Variants in SMYD1 observed in about 807,000 individuals in gnomAD.
SMYD1 encodes the protein histone-lysine N-methyltransferase SMYD1.
Under a neutral mutation model 54.0 loss-of-function variants are expected in SMYD1, and 49 were observed. That is an observed-to-expected ratio of 0.91 (90% CI 0.72 to 1.15). The LOEUF is 1.15. Ranked by LOEUF, SMYD1 falls within the 50% of genes most tolerant of loss-of-function variation. SMYD1 has a pLI of 0.00. For synonymous variants in SMYD1, 269 were observed against 234.2 expected (o/e 1.15, Z -1.36); for missense variants, 653 against 639.6 (o/e 1.02, Z -0.23).
chr2:88,106,214 G>T (rs1674863831), intron 7 of SMYD1, 111 bp from the exon 8 acceptor site: 5 of 1,402,222 alleles, frequency 3.6e-6, no homozygotes, highest in Admixed American at 2.1e-5. Context: ...GTCAGCAATT[G>T]CCCCAGTCTT....
intron 1 of SMYD1, among the ~76,000 whole-genome samples, chr2:88,071,788 A>T (rs1314547812): frequency 6.6e-6 from 1 of 152,114 alleles, no homozygotes; most frequent in Non-Finnish European, 1.5e-5. Context: ...GGGGTGATGC[A>T]CGAGTGGGTA....
chr2:88,105,952 A>G (rs1490519567), intron 7 of SMYD1, among the ~76,000 whole-genome samples: 4 of 151,812 alleles, frequency 2.6e-5, no homozygotes, highest in African/African-American at 9.7e-5. Context: ...ATATATATAT[A>G]TATTTGACCT....
At chr2:88,101,450 A>G (rs563130252) in intron 6 of SMYD1, among the ~76,000 whole-genome samples, 46 of 152,378 alleles carry the variant, frequency 3.0e-4, no homozygotes, top group African/African-American at 1.1e-3. Context: ...ATAGACAGAT[A>G]TATGGTATAA....
Position 88,088,018 on chromosome 2 carries a change from C to T in SMYD1, c.471C>T (p.Tyr157=). 1 of 1,614,156 alleles carries T rather than the reference C, an allele frequency of 6.2e-7. No individual in the cohort carries two copies. Among genetic ancestry groups the T allele is most frequent in the Non-Finnish European group, 8.5e-7 (1 of 1,180,020 alleles). The change falls in exon 3 of 10, where the codon TAC becomes TAT. Residue 157 remains tyrosine, a synonymous_variant. Coordinates refer to ENST00000419482, the MANE Select transcript of SMYD1 (RefSeq NM_198274.4). The stretch of plus-strand genomic sequence containing the variant: ...TGGACGTGGACACATTCTTGCAGTA[C>T]TGGCCGCCGCAGAGCCAGCAGTTCA... ...LRVDVDTFLQ[Y]WPPQSQQFSM...
intron 8 of SMYD1, among the ~76,000 whole-genome samples, chr2:88,107,397 G>A (rs940656061): frequency 1.3e-5 from 2 of 152,174 alleles, no homozygotes; most frequent in African/African-American, 4.8e-5. Context: ...CTGCAAAAGG[G>A]TGCCAACCAG....
rs1407304773 is a variant in SMYD1, at chr2:88,090,992, T to C, written c.529-20T>C. 3.7e-6 allele frequency: 6 copies of C among 1,606,256 alleles called. No individual in the cohort carries two copies. Among genetic ancestry groups the C allele is most frequent in the Non-Finnish European group, 5.1e-6 (6 of 1,175,324 alleles). ...TGTCCATGTCTGTCGACTGACTCTT[T>C]CATCTTTTCCCCTGGGTAGATTAAC... On this transcript the variant is annotated intron_variant, in intron 3 of 9. Transcript: ENST00000419482.
chr2:88,076,707 T>C (rs1263600703), intron 1 of SMYD1, among the ~76,000 whole-genome samples: 1 of 152,134 alleles, frequency 6.6e-6, no homozygotes, highest in Non-Finnish European at 1.5e-5. Flanking sequence ...GGGATGTTCT[T>C]TAAGACACCT....
In SMYD1 at chr2:88,093,542, CA is replaced by C. The variant is rs1335471023; in HGVS notation, c.686del (p.His229LeufsTer4). ...GNHEAVKSMFHTQMRIELRAL... is the reference protein window; with the variant it reads ...GNHEAVKSMFXTQMRIELRAL... Reference sequence around the variant, plus strand: ...TCATGAGGCAGTGAAATCCATGTTTCATACCCAGATGAGGTGGGTCAGTCCT... The same window carrying C: ...TCATGAGGCAGTGAAATCCATGTTTCTACCCAGATGAGGTGGGTCAGTCCT... On this transcript the variant is annotated frameshift_variant, in exon 5 of 10. Transcript: ENST00000419482. LOFTEE classifies it high-confidence loss of function. The C allele has an allele frequency of 5.0e-6, 8 of 1,614,046 alleles. No individual in the cohort carries two copies. The highest frequency in any genetic ancestry group is 6.8e-6 in the Non-Finnish European group (8 of 1,180,040).
intron 3 of SMYD1, among the ~76,000 whole-genome samples, chr2:88,089,958 G>A (rs575096708): frequency 6.6e-6 from 1 of 152,122 alleles, no homozygotes; most frequent in African/African-American, 2.4e-5. Context: ...AGTAATCTTC[G>A]GCATCCCTGA....
rs1561730 is a variant in SMYD1, at chr2:88,112,820, G to A, written c.*2308G>A. On this transcript the variant is annotated 3_prime_UTR_variant, in exon 10 of 10. Coordinates refer to ENST00000419482, the MANE Select transcript of SMYD1 (RefSeq NM_198274.4). ...ATCTAGTTTCTCAGGTTCCTTCGCT[G>A]GTCCTTTTTCTTTCCCTGCCCCTGA... is the stretch of plus-strand genomic sequence containing the variant. 40,009 of 152,142 alleles carry A rather than the reference G, an allele frequency of 0.26. 6,606 individuals carry two copies. The highest frequency in any genetic ancestry group is 0.52 in the East Asian group (2,660 of 5,154). The allele number at this position is 152,142 out of a possible 1,614,324, so 9.4% of individuals were successfully genotyped here.
chr2:88,096,896 C>T (rs1157438292), intron 6 of SMYD1, 112 bp downstream of exon 6: 10 of 1,081,134 alleles, frequency 9.2e-6, no homozygotes, highest in Non-Finnish European at 1.3e-5. Flanking sequence ...TAGGGAGCAA[C>T]TGTCACCCTG....
At chr2:88,106,302 G>GC (rs760419565) in intron 7 of SMYD1, 23 bp from the exon 8 acceptor site, 1 of 1,612,612 alleles carries the variant, frequency 6.2e-7, no homozygotes, top group East Asian at 2.2e-5. Flanking sequence ...ATGGTAATGG[G>GC]CAGGGCCTCT....
rs538199535 is a variant in SMYD1, at chr2:88,096,778, C to T, written c.882C>T (p.Asn294=). Residue 294 remains asparagine (N), a synonymous_variant, in exon 6 of 10, where the codon AAC becomes AAT. Transcript: ENST00000419482. ...KDDLFLGVKD[N]PKPSQEVVKE... The stretch of plus-strand genomic sequence containing the variant: ...ACCTCTTCCTGGGGGTGAAAGACAA[C>T]CCCAAGGTACACACAGCCCTGCTGC... The T allele has an allele frequency of 3.8e-5, 62 of 1,612,702 alleles. No homozygotes were observed. The East Asian group carries it at 1.2e-3, about 31-fold the overall frequency.
chr2:88,074,889 G>T (rs949511983), intron 1 of SMYD1, among the ~76,000 whole-genome samples: 1 of 152,206 alleles, frequency 6.6e-6, no homozygotes, highest in South Asian at 2.1e-4. Flanking sequence ...GGGTTAGTCA[G>T]TGTAATTCTG....
chr2:88,068,331 A>T (rs917751757), intron 1 of SMYD1, among the ~76,000 whole-genome samples: 3 of 152,194 alleles, frequency 2.0e-5, no homozygotes, highest in Non-Finnish European at 4.4e-5. Flanking sequence ...TCCGACAGAA[A>T]GCTCTATATT....
intron 1 of SMYD1, among the ~76,000 whole-genome samples, chr2:88,073,524 A>G (rs1005306007): frequency 2.6e-5 from 4 of 152,192 alleles, no homozygotes; most frequent in South Asian, 2.1e-4. Flanking sequence ...TGTAGATGCT[A>G]TGTTTTGGAG....
Position 88,108,492 on chromosome 2 carries a change from C to T in SMYD1, c.1267C>T (p.Leu423Phe). The stretch of plus-strand genomic sequence containing the variant: ...GATGATCTGCAAAGCCTATGCCATT[C>T]TCCTGGTGACACACGGACCCTCCCA... ...HGMICKAYAI[L>F]LVTHGPSHPI... The change falls in exon 9 of 10, where the codon CTC becomes TTC. Residue 423 changes from leucine to phenylalanine, a missense_variant. Physicochemically the swap from Leu to Phe is conservative, Grantham distance 22. Coordinates refer to ENST00000419482, the MANE Select transcript of SMYD1 (RefSeq NM_198274.4). 6.2e-7 allele frequency: 1 copy of T among 1,609,946 alleles called. No homozygotes were observed. The highest frequency in any genetic ancestry group is 1.1e-5 in the South Asian group (1 of 90,238).
chr2:88,093,506 T>A lies in SMYD1; in HGVS notation c.660-11T>A. 2 of 1,614,188 alleles carry A rather than the reference T, an allele frequency of 1.2e-6. No individual in the cohort carries two copies. Among genetic ancestry groups the A allele is most frequent in the Non-Finnish European group, 1.7e-6 (2 of 1,180,026 alleles). The stretch of plus-strand genomic sequence containing the variant: ...AATGATTTCCATATGGGTGTCTGTT[T>A]TGTCTTTCAGTCATGAGGCAGTGAA... On this transcript the variant is annotated splice_polypyrimidine_tract_variant and intron_variant, in intron 4 of 9. Transcript: ENST00000419482.
chr2:88,092,532 G>A (rs368758648), intron 4 of SMYD1, among the ~76,000 whole-genome samples: 149 of 152,302 alleles, frequency 9.8e-4, no homozygotes, highest in Non-Finnish European at 1.8e-3. Context: ...GCTGAGAATC[G>A]GGCCTAAGCT....
Sources: allele counts gnomAD v4.1 joint callset (sites outside exome capture counted in the v4.1 genomes callset), GRCh38; gene constraint gnomAD v4.1.1; transcripts MANE v1.5; gene names NCBI Gene and HGNC (gene_info 2026-07-23, HGNC 2026-07-21).